Variants in EYS observed in about 807,000 individuals in gnomAD.
EYS encodes EGF-like photoreceptor maintenance factor.
Under a neutral mutation model 282.1 loss-of-function variants are expected in EYS, and 250 were observed. The observed-to-expected ratio is 0.89, with a 90% confidence interval of 0.80 to 0.98. The LOEUF (loss-of-function observed/expected upper bound fraction) is 0.98, where lower values mean the gene tolerates loss of function less well. EYS is among the 50% of genes least tolerant of loss of function. The pLI is 0.00. For synonymous variants in EYS, 1,355 were observed against 1,282.9 expected (o/e 1.06, Z -1.20); for missense variants, 4,016 against 3,709.0 (o/e 1.08, Z -2.15).
At chr6:64,767,479 ATT>A (rs1773388453) in intron 22 of EYS, among the ~76,000 whole-genome samples, 1 of 150,996 alleles carries the variant, frequency 6.6e-6, no homozygotes, top group Non-Finnish European at 1.5e-5. Context: ...TTCTTTTTCT[ATT>A]TTTTACCTTT....
chr6:65,417,007 TA>T (rs371156946), intron 5 of EYS, among the ~76,000 whole-genome samples: 58 of 152,078 alleles, frequency 3.8e-4, no homozygotes, highest in African/African-American at 1.3e-3. Flanking sequence ...TGCTCCAAAA[TA>T]AGAAAGAACA....
intron 12 of EYS, among the ~76,000 whole-genome samples, chr6:65,074,961 A>G (rs1315747566): frequency 1.3e-5 from 2 of 152,098 alleles, no homozygotes; most frequent in Non-Finnish European, 2.9e-5. Flanking sequence ...TTTAACAGAG[A>G]AACAAATGAA....
chr6:63,720,845 GTTA>G lies in EYS; in HGVS notation c.9183_9185del (p.Asn3062del), dbSNP rs2149623867. ...CAATATCCTCGGAAAGAATTAGACT[GTTA>G]TTTATGTAGGCCTTGATAAGAGTCT... On this transcript the variant is annotated inframe_deletion, in exon 43 of 43. Transcript: ENST00000503581. 6.4e-7 allele frequency: 1 copy of G among 1,551,084 alleles called. No homozygotes were observed.
chr6:64,473,530 T>A (rs1171270538), intron 26 of EYS, among the ~76,000 whole-genome samples: 1 of 152,182 alleles, frequency 6.6e-6, no homozygotes, highest in African/African-American at 2.4e-5. Flanking sequence ...AACATGGAAA[T>A]CTTTAAGCCA....
chr6:65,307,071 G>C (rs147284147), intron 11 of EYS, among the ~76,000 whole-genome samples: 2,253 of 144,608 alleles, frequency 0.016, 102 homozygotes, highest in African/African-American at 0.054. Context: ...AGGGTGGTCC[G>C]CAATGCCTCC....
intron 29 of EYS, among the ~76,000 whole-genome samples, chr6:64,372,301 T>C (rs879663419): frequency 6.6e-6 from 1 of 152,090 alleles, no homozygotes. Context: ...TTACGAAGCT[T>C]ACTTTGGCTG....
At chr6:63,887,049 A>G (rs940813541) in intron 35 of EYS, among the ~76,000 whole-genome samples, 1 of 152,180 alleles carries the variant, frequency 6.6e-6, no homozygotes, top group Non-Finnish European at 1.5e-5. Context: ...TGTCTGGCTC[A>G]TTTATTAGAA....
At chr6:64,180,385 C>A (rs1398600645) in intron 31 of EYS, among the ~76,000 whole-genome samples, 4 of 152,112 alleles carry the variant, frequency 2.6e-5, no homozygotes, top group African/African-American at 9.7e-5. Context: ...ACACCTACTA[C>A]CGACCAAAAA....
intron 36 of EYS, among the ~76,000 whole-genome samples, chr6:63,834,365 A>T (rs1325273436): frequency 6.6e-6 from 1 of 152,154 alleles, no homozygotes; most frequent in East Asian, 1.9e-4. Context: ...AATTTACAAG[A>T]AAAAACCCCA....
rs1419203844 is a variant in EYS at position 64,556,490 on chromosome 6, T to C, written c.5644+33733A>G. Reference sequence around the variant, plus strand: ...GGGTCCAGAGTTTGAGTGGGGGTTATTGACTACACAAAGGCATGAGGGAAC... The same window carrying C: ...GGGTCCAGAGTTTGAGTGGGGGTTACTGACTACACAAAGGCATGAGGGAAC... On this transcript the variant is annotated intron_variant, in intron 26 of 42. Transcript: ENST00000503581. Among the ~76,000 whole-genome samples the C allele has an allele frequency of 2.6e-5, 4 of 151,976 alleles. No homozygotes were observed. In the East Asian group the frequency reaches 7.7e-4, roughly 29 times the overall value.
chr6:63,868,775 G>T (rs976638897), intron 35 of EYS, among the ~76,000 whole-genome samples: 4 of 152,106 alleles, frequency 2.6e-5, no homozygotes, highest in Non-Finnish European at 5.9e-5. Flanking sequence ...TAATTACAAA[G>T]AATACTTCCC....
chr6:64,611,421 A>G lies in EYS; in HGVS notation c.3684+5997T>C, dbSNP rs372524145. Among the ~76,000 whole-genome samples, 8 of 152,244 alleles carry G rather than the reference A, an allele frequency of 5.3e-5. No homozygotes were observed. The East Asian group carries it at 1.4e-3, about 26-fold the overall frequency. On this transcript the variant is annotated intron_variant, in intron 24 of 42. Coordinates refer to ENST00000503581, the MANE Select transcript of EYS (RefSeq NM_001142800.2). ...TCGCCAATTGCTTTATTATTTTTTAATATTACTACCAAATAAGCGTCCTAG... is the reference window on the plus strand; with the variant it reads ...TCGCCAATTGCTTTATTATTTTTTAGTATTACTACCAAATAAGCGTCCTAG...
At chr6:65,490,835 A>G (rs1461687490) in intron 4 of EYS, 128 bp from the exon 5 acceptor site, 3 of 650,024 alleles carry the variant, frequency 4.6e-6, no homozygotes, top group Non-Finnish European at 8.4e-6. Context: ...AAACCATGTT[A>G]TACGATGATG....
intron 2 of EYS, among the ~76,000 whole-genome samples, chr6:65,506,634 G>A (rs943096582): frequency 1.4e-5 from 2 of 143,932 alleles, no homozygotes; most frequent in African/African-American, 5.4e-5. Flanking sequence ...CATGTCACCA[G>A]ACCAGACTAT....
At chr6:64,179,888 G>A (rs1764740952) in intron 31 of EYS, among the ~76,000 whole-genome samples, 1 of 152,002 alleles carries the variant, frequency 6.6e-6, no homozygotes, top group African/African-American at 2.4e-5. Context: ...ATTCAAAGAG[G>A]GAGCTCAAGG....
At chr6:63,726,706 C>G (rs1768629816) in intron 41 of EYS, 26 bp from the exon 42 acceptor site, 1 of 1,537,066 alleles carries the variant, frequency 6.5e-7, no homozygotes, top group Non-Finnish European at 8.8e-7. Context: ...AAAGAGAACT[C>G]TGGGAGTTAT....
chr6:64,743,861 A>G (rs560142864), intron 22 of EYS, among the ~76,000 whole-genome samples: 1 of 152,290 alleles, frequency 6.6e-6, no homozygotes, highest in South Asian at 2.1e-4. Flanking sequence ...GGGAAATGAT[A>G]CCAAAGTACT....
At chr6:64,077,279 C>A (rs1372008556) in intron 32 of EYS, among the ~76,000 whole-genome samples, 1 of 151,906 alleles carries the variant, frequency 6.6e-6, no homozygotes, top group East Asian at 1.9e-4. Flanking sequence ...TAATATGATG[C>A]CAGGGAATGC....
intron 29 of EYS, among the ~76,000 whole-genome samples, chr6:64,341,700 T>A (rs528010546): frequency 1.3e-5 from 2 of 151,828 alleles, no homozygotes; most frequent in South Asian, 4.1e-4. Context: ...AATGACTGCA[T>A]GTCATCCCAA....
Sources: gnomAD v4.1 joint callset for allele counts (sites outside exome capture counted in the v4.1 genomes callset) on GRCh38, gnomAD v4.1.1 for gene constraint, MANE v1.5 for transcripts, NCBI Gene and HGNC (gene_info 2026-07-23, HGNC 2026-07-21) for gene names.